The following LNPEP variants were observed in gnomAD, a reference collection of about 807,000 sequenced individuals.
LNPEP encodes the protein leucyl and cystinyl aminopeptidase.
A neutral mutation model predicts 120.6 loss-of-function variants in LNPEP; 64 were observed. The ratio of observed to expected loss-of-function variants is 0.53; its 90% CI spans 0.43 to 0.65. LNPEP has a LOEUF of 0.65. LNPEP is among the 30% of genes least tolerant of loss of function. The pLI, the probability that LNPEP is intolerant of heterozygous loss-of-function variation, is 0.00. For missense variants in LNPEP, 1,057 were observed against 1,200.0 expected, an observed-to-expected ratio of 0.88 and a Z score of 1.76; for synonymous variants, 435 against 425.4, an observed-to-expected ratio of 1.02 and a Z score of -0.28.
At chr5:96,943,694 A>T (rs1463084872) in intron 1 of LNPEP, among the ~76,000 whole-genome samples, 2 of 152,228 alleles carry the variant, frequency 1.3e-5, no homozygotes, top group Non-Finnish European at 1.5e-5. Context: ...CTTAACATGT[A>T]AATGAGGAGG....
At chr5:96,995,534 T>G (rs940165227) in intron 6 of LNPEP, among the ~76,000 whole-genome samples, 17 of 152,076 alleles carry the variant, frequency 1.1e-4, no homozygotes, top group South Asian at 4.1e-4. Flanking sequence ...ATCTTTTTTT[T>G]TTTGTTTTTA....
chr5:97,014,247 A>G (rs974592881), intron 12 of LNPEP, among the ~76,000 whole-genome samples: 5 of 152,092 alleles, frequency 3.3e-5, no homozygotes, highest in African/African-American at 1.2e-4. Flanking sequence ...TGCCTCCCCA[A>G]CCACCTCATG....
intron 1 of LNPEP, among the ~76,000 whole-genome samples, chr5:96,974,643 G>C (rs1366726786): frequency 6.6e-6 from 1 of 151,940 alleles, no homozygotes; most frequent in East Asian, 1.9e-4. Context: ...TACCTTCAAA[G>C]AATAGTCTGC....
In LNPEP at chr5:97,022,490, G is replaced by A. The variant is rs148706160; in HGVS notation, c.2561+6G>A. 4 of 1,603,252 alleles carry A rather than the reference G, an allele frequency of 2.5e-6. No individual in the cohort carries two copies. The highest frequency in any genetic ancestry group is 3.4e-6 in the Non-Finnish European group (4 of 1,170,284). ...GCATCCAATGGAACTCAAAGGTGAAGTATACCTCTACTCAGATGAATTATC... is the reference window on the plus strand; with the variant it reads ...GCATCCAATGGAACTCAAAGGTGAAATATACCTCTACTCAGATGAATTATC... On this transcript the variant is annotated splice_donor_region_variant and intron_variant, in intron 14 of 17. Transcript: ENST00000231368.
In LNPEP at chr5:96,967,110, A is replaced by G. The variant is rs114772891; in HGVS notation, c.20-12028A>G. Among the ~76,000 whole-genome samples the G allele has an allele frequency of 9.6e-3, 1,457 of 152,226 alleles. 10 individuals are homozygous for G. The highest frequency in any genetic ancestry group is 0.028 in the South Asian group (137 of 4,830). On this transcript the variant is annotated intron_variant, in intron 1 of 17. Coordinates refer to ENST00000231368, the MANE Select transcript of LNPEP (RefSeq NM_005575.3). ...ATCTGTTTCACAGAGATTTTGACAC[A>G]CAGATTTTACATTTTAAGTCATCTG...
At position 96,958,505 on chromosome 5, in the gene LNPEP, A is replaced by T. The variant is rs868424815; in HGVS notation, c.20-20633A>T. 8 of 985,306 alleles carry T rather than the reference A, an allele frequency of 8.1e-6. No individual in the cohort carries two copies. In the Middle Eastern group the frequency reaches 1.6e-3, roughly 193 times the overall value. 61.0% of individuals were successfully genotyped at this position (985,306 alleles called of 1,614,324 possible). A position where few individuals can be genotyped will look rare whatever the true frequency, so the allele number is the denominator to read the frequency against. On this transcript the variant is annotated intron_variant, in intron 1 of 17. Transcript: ENST00000231368. ...AGCCGTACAGCCATGAATGTCAGGC[A>T]TGTTGTGGGGACTAGTTGTATTAGT...
At chr5:97,003,781 G>GTT (rs150842037) in intron 9 of LNPEP, among the ~76,000 whole-genome samples, 5 of 146,710 alleles carry the variant, frequency 3.4e-5, no homozygotes, top group Non-Finnish European at 7.5e-5. Context: ...TGGGTAGCCA[G>GTT]TTGTTTTTTT....
chr5:97,028,733 T>C lies in LNPEP; in HGVS notation c.*200T>C. Reference sequence around the variant, plus strand: ...CTTTGGGCAGTATGTAGTTATTTATTACAAAATTATATTCACCTAAATGCC... The same window carrying C: ...CTTTGGGCAGTATGTAGTTATTTATCACAAAATTATATTCACCTAAATGCC... On this transcript the variant is annotated 3_prime_UTR_variant, in exon 18 of 18. Transcript: ENST00000231368. 1 of 465,918 alleles carries C rather than the reference T, an allele frequency of 2.1e-6. No homozygotes were observed. The highest frequency in any genetic ancestry group is 3.8e-6 in the Non-Finnish European group (1 of 263,158). 28.9% of individuals were successfully genotyped at this position (465,918 alleles called of 1,614,324 possible).
intron 9 of LNPEP, among the ~76,000 whole-genome samples, chr5:97,003,795 T>C (rs1790712760): frequency 6.6e-6 from 1 of 151,968 alleles, no homozygotes; most frequent in South Asian, 2.1e-4. Flanking sequence ...TTTTTTTTTT[T>C]CCTGTACCTT....
In LNPEP at chr5:97,034,462, TTA is replaced by T. The variant is rs1258248458; in HGVS notation, c.*5930_*5931del. ...GGGAATTTCTGGGTTTGTCTTTTTTTTAATGTATATAAAAGTTTGCTAGTTGT... is the reference window on the plus strand; with the variant it reads ...GGGAATTTCTGGGTTTGTCTTTTTTTATGTATATAAAAGTTTGCTAGTTGT... On this transcript the variant is annotated 3_prime_UTR_variant, in exon 18 of 18. Transcript: ENST00000231368. 2.0e-5 allele frequency: 3 copies of T among 151,992 alleles called. No homozygotes were observed. The highest frequency in any genetic ancestry group is 4.4e-5 in the Non-Finnish European group (3 of 67,980). 9.4% of individuals were successfully genotyped at this position (151,992 alleles called of 1,614,324 possible).
chr5:97,018,772 C>T (rs546022693), intron 13 of LNPEP, among the ~76,000 whole-genome samples: 2 of 152,268 alleles, frequency 1.3e-5, no homozygotes, highest in South Asian at 2.1e-4. Context: ...ATCATTGGAA[C>T]CAAAGCATTA....
At chr5:96,936,558 A>G (rs1159654876) in intron 1 of LNPEP, 1 of 152,446 alleles carries the variant, frequency 6.6e-6, no homozygotes, top group Non-Finnish European at 1.4e-5. Context: ...GCAGCTGCCG[A>G]GCCCAACTTT....
chr5:96,993,233 G>A (rs1444264759), intron 5 of LNPEP, 98 bp downstream of exon 5: 6 of 848,158 alleles, frequency 7.1e-6, no homozygotes, highest in Non-Finnish European at 1.1e-5. Flanking sequence ...GTTGTTTGCA[G>A]AGAAAACCAA....
At chr5:96,950,182 T>A (rs1215095302) in intron 1 of LNPEP, among the ~76,000 whole-genome samples, 3 of 152,208 alleles carry the variant, frequency 2.0e-5, no homozygotes, top group Non-Finnish European at 2.9e-5. Context: ...GGAAGGAGTC[T>A]CTTACTCTGA....
chr5:96,964,347 T>C (rs1789678087), intron 1 of LNPEP, among the ~76,000 whole-genome samples: 1 of 151,596 alleles, frequency 6.6e-6, no homozygotes, highest in South Asian at 2.1e-4. Flanking sequence ...TTTTTTAATA[T>C]AAAAATAAAA....
intron 1 of LNPEP, among the ~76,000 whole-genome samples, chr5:96,947,526 T>C (rs762758414): frequency 6.6e-6 from 1 of 152,168 alleles, no homozygotes; most frequent in Non-Finnish European, 1.5e-5. Flanking sequence ...TATTTGTCTG[T>C]TTTTTAGTTC....
rs773449828 is a variant in LNPEP, at chr5:97,024,523, T to C, written c.2564T>C (p.Leu855Pro). 8 of 1,613,562 alleles carry C rather than the reference T, an allele frequency of 5.0e-6. No individual in the cohort carries two copies. The South Asian group carries it at 6.6e-5, about 13-fold the overall frequency. ...ATGTTTGACCACCTCTCTTACAGCC[T>C]ACCTACTGATGTCATGACAACTGTG... ...DWMASNGTQSLPTDVMTTVFK... is the reference protein window; with the variant it reads ...DWMASNGTQSPPTDVMTTVFK... Residue 855 changes from leucine to proline, a missense_variant and splice_region_variant, in exon 15 of 18, where the codon CTA becomes CCA. Physicochemically the swap from Leu to Pro is moderately conservative, Grantham distance 98. Transcript: ENST00000231368.
Position 97,028,941 on chromosome 5 carries a change from T to C in LNPEP, c.*408T>C, listed in dbSNP as rs1057808. 0.038 allele frequency: 6,625 copies of C among 174,162 alleles called. 204 individuals are homozygous for C. The highest frequency in any genetic ancestry group is 0.1 in the Middle Eastern group (39 of 376). 10.8% of individuals were successfully genotyped at this position (174,162 alleles called of 1,614,324 possible). A position where few individuals can be genotyped will look rare whatever the true frequency, so the allele number is the denominator to read the frequency against. On this transcript the variant is annotated 3_prime_UTR_variant, in exon 18 of 18. Transcript: ENST00000231368. The stretch of plus-strand genomic sequence containing the variant: ...AGGCCGCTGGTTTGTCAGCCATCTG[T>C]TGCTTCTTATTGATAGATGGCATTG...
intron 11 of LNPEP, among the ~76,000 whole-genome samples, chr5:97,012,358 T>C (rs945188393): frequency 6.6e-6 from 1 of 152,178 alleles, no homozygotes; most frequent in African/African-American, 2.4e-5. Flanking sequence ...TCTACTCTTC[T>C]TTTTCTTACA....
Sources: gnomAD v4.1 joint callset for allele counts (sites outside exome capture counted in the v4.1 genomes callset) on GRCh38, gnomAD v4.1.1 for gene constraint, MANE v1.5 for transcripts, NCBI Gene and HGNC (gene_info 2026-07-23, HGNC 2026-07-21) for gene names.